The following SGK1 variants were observed in gnomAD, a reference collection of about 807,000 sequenced individuals.
SGK1 encodes the protein serum/glucocorticoid regulated kinase 1, also known as serine/threonine-protein kinase Sgk1.
Under a neutral mutation model 64.2 loss-of-function variants are expected in SGK1, and 26 were observed. The ratio of observed to expected loss-of-function variants is 0.40; its 90% CI spans 0.30 to 0.56. The LOEUF (loss-of-function observed/expected upper bound fraction) is 0.56. Among genes scored for constraint, SGK1 ranks in the 20% least tolerant of loss-of-function variants. The pLI, the probability that SGK1 is intolerant of heterozygous loss-of-function variation, is 0.38. For synonymous variants in SGK1, 265 were observed against 239.7 expected, an observed-to-expected ratio of 1.11 and a Z score of -0.98; for missense variants, 519 against 645.6, an observed-to-expected ratio of 0.80 and a Z score of 2.12.
chr6:134,223,106 C>T (rs896696612), intron 2 of SGK1, among the ~76,000 whole-genome samples: 18 of 152,100 alleles, frequency 1.2e-4, no homozygotes, highest in African/African-American at 4.1e-4. Context: ...CAGTGGCTCA[C>T]GCCTGTAATC....
intron 2 of SGK1, among the ~76,000 whole-genome samples, chr6:134,241,948 G>A (rs951689210): frequency 1.3e-5 from 2 of 152,042 alleles, no homozygotes; most frequent in Admixed American, 6.6e-5. Context: ...TTACAATCCT[G>A]TGTCACAAGA....
chr6:134,281,565 A>G (rs1777095288), intron 1 of SGK1, among the ~76,000 whole-genome samples: 1 of 150,032 alleles, frequency 6.7e-6, no homozygotes, highest in Admixed American at 6.7e-5. Context: ...TCTCCCAGGC[A>G]GGAGTGCAGT....
At chr6:134,296,196 G>A (rs1777344709) in intron 1 of SGK1, among the ~76,000 whole-genome samples, 1 of 152,216 alleles carries the variant, frequency 6.6e-6, no homozygotes, top group African/African-American at 2.4e-5. Context: ...GCAAGGCTAA[G>A]GACACCAGCA....
intron 1 of SGK1, among the ~76,000 whole-genome samples, chr6:134,301,722 C>T (rs1777461211): frequency 6.6e-6 from 1 of 152,058 alleles, no homozygotes. Flanking sequence ...TCCCGAGTAA[C>T]TGGGAATACA....
At chr6:134,298,644 C>CG in intron 1 of SGK1, 4 of 1,334,010 alleles carry the variant, frequency 3.0e-6, no homozygotes, top group East Asian at 2.4e-5. Context: ...GCTGAAGGCC[C>CG]GGGGGCCAGA....
chr6:134,217,046 G>C lies in SGK1; in HGVS notation c.286-9615C>G, dbSNP rs1467069491. 2.6e-5 allele frequency among the ~76,000 whole-genome samples: 4 copies of C among 152,322 alleles called. No individual in the cohort carries two copies. The East Asian group carries it at 5.8e-4, about 22-fold the overall frequency. ...CCATGGAAATTCAGAAGGCTTGGCA[G>C]TTTGCAGGAAAGACCAGAATTGAAG... On this transcript the variant is annotated intron_variant, in intron 2 of 13. Transcript: ENST00000367858.
In SGK1 at chr6:134,172,319, G is replaced by T; in HGVS notation, c.948-3C>A. ...AAATATTCTCTGGTTTTAAGTCTCT[G>T]TAAAAAAGTGAATAGAAAAGTAGTT... On this transcript the variant is annotated splice_polypyrimidine_tract_variant and splice_region_variant and intron_variant, in intron 9 of 13. Transcript: ENST00000367858. 6.2e-7 allele frequency: 1 copy of T among 1,606,972 alleles called. No individual in the cohort carries two copies.
chr6:134,198,572 A>G (rs1230123571), intron 3 of SGK1, among the ~76,000 whole-genome samples: 2 of 152,072 alleles, frequency 1.3e-5, no homozygotes, highest in East Asian at 3.9e-4. Flanking sequence ...CATTTTATAT[A>G]TTCTCTGAAA....
At chr6:134,171,933 C>T (rs1002910606) in intron 10 of SGK1, 7 of 616,260 alleles carry the variant, frequency 1.1e-5, no homozygotes, top group Non-Finnish European at 2.0e-5. Flanking sequence ...AACTGCTGGG[C>T]ACTTGATATC....
rs1339404665 is a variant in SGK1 at position 134,263,740 on chromosome 6, G to A, written c.70-1592C>T. On this transcript the variant is annotated intron_variant, in intron 1 of 13. Transcript: ENST00000367858. ...CAAAAATCAAGGCACTTTTTAAAGT[G>A]TTTGATGTGTATAGTTTTTAATCCT... Among the ~76,000 whole-genome samples, 2 of 152,104 alleles carry A rather than the reference G, an allele frequency of 1.3e-5. 1 individual carries two copies. The highest frequency in any genetic ancestry group is 1.3e-4 in the Admixed American group (2 of 15,256).
intron 1 of SGK1, among the ~76,000 whole-genome samples, chr6:134,296,717 T>C (rs966379578): frequency 6.6e-6 from 1 of 150,430 alleles, no homozygotes; most frequent in Admixed American, 6.7e-5. Context: ...TTACTAAGAG[T>C]TGAAAAAGCA....
At chr6:134,212,876 T>C (rs918159806) in intron 2 of SGK1, among the ~76,000 whole-genome samples, 3 of 152,224 alleles carry the variant, frequency 2.0e-5, no homozygotes, top group African/African-American at 7.2e-5. Context: ...TTACCTTGTT[T>C]CCTTGAGGCT....
intron 3 of SGK1, among the ~76,000 whole-genome samples, chr6:134,189,591 A>G (rs1224570655): frequency 6.6e-6 from 1 of 152,234 alleles, no homozygotes; most frequent in Admixed American, 6.5e-5. Context: ...ATTTCCATCA[A>G]TTAGTATCTA....
chr6:134,237,982 A>T (rs1776389697), intron 2 of SGK1, among the ~76,000 whole-genome samples: 1 of 152,200 alleles, frequency 6.6e-6, no homozygotes, highest in African/African-American at 2.4e-5. Context: ...GTGTGTAAAA[A>T]ACATCTTATT....
At chr6:134,264,663 T>G (rs1776823898) in intron 1 of SGK1, among the ~76,000 whole-genome samples, 1 of 151,666 alleles carries the variant, frequency 6.6e-6, no homozygotes. Flanking sequence ...TTGTTGTTGT[T>G]AAAGGGTCTT....
chr6:134,207,563 G>T, intron 2 of SGK1, 132 bp from the exon 3 acceptor site: 1 of 683,760 alleles, frequency 1.5e-6, no homozygotes, highest in Non-Finnish European at 2.6e-6. Flanking sequence ...CTCTAATTAG[G>T]GTGGTTTTCT....
intron 3 of SGK1, among the ~76,000 whole-genome samples, chr6:134,197,315 T>C (rs1008853134): frequency 2.0e-5 from 3 of 152,110 alleles, no homozygotes; most frequent in African/African-American, 7.2e-5. Context: ...AGCTGGCAAG[T>C]TGGAGACTCT....
chr6:134,239,791 C>T (rs2114723432), intron 2 of SGK1, among the ~76,000 whole-genome samples: 1 of 152,298 alleles, frequency 6.6e-6, no homozygotes, highest in Admixed American at 6.5e-5. Flanking sequence ...TTTGCTCTAA[C>T]CTATCTGCAA....
intron 3 of SGK1, among the ~76,000 whole-genome samples, chr6:134,180,871 CAAAAA>C (rs11345877): frequency 7.8e-6 from 1 of 127,970 alleles, no homozygotes; most frequent in African/African-American, 2.8e-5. Context: ...GATCCTATCT[CAAAAA>C]AAAAAAAAAA....
Sources: gnomAD v4.1 joint callset for allele counts (sites outside exome capture counted in the v4.1 genomes callset) on GRCh38, gnomAD v4.1.1 for gene constraint, MANE v1.5 for transcripts, NCBI Gene and HGNC (gene_info 2026-07-23, HGNC 2026-07-21) for gene names.